CEP162: variants seen among roughly 807,000 people sequenced by gnomAD.
The protein encoded by CEP162 is centrosomal protein of 162 kDa.
Under a neutral mutation model 169.2 loss-of-function variants are expected in CEP162, and 141 were observed. The ratio of observed to expected loss-of-function variants is 0.83; its 90% CI spans 0.73 to 0.96. CEP162 has a LOEUF of 0.96. CEP162 is among the 40% of genes least tolerant of loss of function. The pLI is 0.00. For missense variants in CEP162, 1,600 were observed against 1,587.2 expected, an observed-to-expected ratio of 1.01 and a Z score of -0.14; for synonymous variants, 540 against 526.4, an observed-to-expected ratio of 1.03 and a Z score of -0.35.
At chr6:84,169,474 C>A in intron 17 of CEP162, 41 bp from the exon 18 acceptor site, 1 of 1,161,028 alleles carries the variant, frequency 8.6e-7, no homozygotes, top group Non-Finnish European at 1.2e-6. Context: ...TTCTTTCTTA[C>A]CAGGTGCTCC....
intron 19 of CEP162, among the ~76,000 whole-genome samples, chr6:84,162,632 C>T (rs952299564): frequency 6.6e-6 from 1 of 152,184 alleles, no homozygotes; most frequent in African/African-American, 2.4e-5. Flanking sequence ...AAATGCCACT[C>T]TGCCACGAAA....
chr6:84,161,128 C>G (rs1168029574), intron 20 of CEP162, among the ~76,000 whole-genome samples: 1 of 152,042 alleles, frequency 6.6e-6, no homozygotes, highest in African/African-American at 2.4e-5. Flanking sequence ...CAAACTAAGT[C>G]CCTGCTCCCA....
chr6:84,188,941 G>T (rs1363664297), intron 11 of CEP162, among the ~76,000 whole-genome samples: 3 of 151,890 alleles, frequency 2.0e-5, no homozygotes, highest in African/African-American at 7.3e-5. Context: ...GGCATGAGAT[G>T]GCATCTCATT....
At chr6:84,219,551 C>T (rs1012104691) in intron 3 of CEP162, among the ~76,000 whole-genome samples, 1 of 152,106 alleles carries the variant, frequency 6.6e-6, no homozygotes, top group Non-Finnish European at 1.5e-5. Context: ...AGTACTTCAT[C>T]TTATAATATC....
intron 17 of CEP162, among the ~76,000 whole-genome samples, chr6:84,170,373 CAAAAAAAAAAAAAAAAAAAAA>C (rs57988482): frequency 3.5e-5 from 1 of 28,332 alleles, no homozygotes; most frequent in African/African-American, 6.0e-5. Context: ...GACTCCGTCT[CAAAAAAAAAAAAAAAAAAAAA>C]AAAAAAAAGC....
intron 6 of CEP162, among the ~76,000 whole-genome samples, chr6:84,209,748 T>C (rs144783954): frequency 3.2e-4 from 48 of 152,300 alleles, no homozygotes; most frequent in African/African-American, 1.1e-3. Flanking sequence ...TTGGGAAAAG[T>C]GCCAATCTAA....
Position 84,160,807 on chromosome 6 carries a change from C to A in CEP162, c.2781+5G>T. ...TGCTCATGAAAATTTACCCTGAACA[C>A]ATACTTGTCGCTCCAGATCCTGAAT... On this transcript the variant is annotated splice_donor_5th_base_variant and intron_variant, in intron 21 of 26. Coordinates refer to ENST00000403245, the MANE Select transcript of CEP162 (RefSeq NM_014895.4). 1.3e-6 allele frequency: 2 copies of A among 1,566,292 alleles called. No individual in the cohort carries two copies. Among genetic ancestry groups the A allele is most frequent in the Non-Finnish European group, 1.8e-6 (2 of 1,136,876 alleles).
chr6:84,128,146 G>A (rs140599608), intron 25 of CEP162, among the ~76,000 whole-genome samples: 1 of 152,264 alleles, frequency 6.6e-6, no homozygotes, highest in East Asian at 1.9e-4. Flanking sequence ...AATTATTCAT[G>A]AATTAATTAG....
chr6:84,201,578 T>C (rs948657792), intron 8 of CEP162, among the ~76,000 whole-genome samples, 159 bp downstream of exon 8: 5 of 152,116 alleles, frequency 3.3e-5, no homozygotes, highest in Non-Finnish European at 7.4e-5. Context: ...ACAGAATGGA[T>C]TCAAGATAGA....
At chr6:84,171,463 ATT>A in intron 17 of CEP162, 141 bp downstream of exon 17, 1 of 430,070 alleles carries the variant, frequency 2.3e-6, no homozygotes. Context: ...TCCACTGAGT[ATT>A]AAACATAAAA....
chr6:84,201,842 C>T (rs2099544645), intron 7 of CEP162, 75 bp from the exon 8 acceptor site: 1 of 737,502 alleles, frequency 1.4e-6, no homozygotes, highest in Non-Finnish European at 2.2e-6. Context: ...CAAATAATAG[C>T]AAAATCTGAA....
At position 84,193,486 on chromosome 6, in the gene CEP162, G is replaced by C. The variant is rs182251997; in HGVS notation, c.1109+123C>G. 179 of 513,312 alleles carry C rather than the reference G, an allele frequency of 3.5e-4. 2 individuals carry two copies. In the East Asian group the frequency reaches 6.1e-3, roughly 18 times the overall value. The allele number at this position is 513,312 out of a possible 1,614,324, so 31.8% of individuals were successfully genotyped here. On this transcript the variant is annotated intron_variant, in intron 11 of 26. Transcript: ENST00000403245. The stretch of plus-strand genomic sequence containing the variant: ...AGTAAGGACAAATATAAAAAGAAGA[G>C]AGTTATGACTCACAGGTAGAGTCAA...
At chr6:84,185,069 G>A (rs2099536515) in intron 13 of CEP162, 118 bp downstream of exon 13, 5 of 863,418 alleles carry the variant, frequency 5.8e-6, no homozygotes, top group Non-Finnish European at 8.8e-6. Flanking sequence ...CACCACCCTG[G>A]GTCAAGCCCT....
intron 25 of CEP162, among the ~76,000 whole-genome samples, chr6:84,141,829 T>C (rs1403112015): frequency 6.6e-6 from 1 of 152,166 alleles, no homozygotes; most frequent in African/African-American, 2.4e-5. Context: ...GGCCTTCTTA[T>C]ATTTTGGGCC....
chr6:84,146,720 A>G lies in CEP162; in HGVS notation c.3837T>C (p.Val1279=). The change falls in exon 25 of 27, where the codon GTT becomes GTC. Residue 1279 remains valine, a synonymous_variant. Coordinates refer to ENST00000403245, the MANE Select transcript of CEP162 (RefSeq NM_014895.4). ...GTAGAATTTCTTCTCGAACTTCAGAAACTACGAGAGACTCTTGTTTACTCT... is the reference window on the plus strand; with the variant it reads ...GTAGAATTTCTTCTCGAACTTCAGAGACTACGAGAGACTCTTGTTTACTCT... ...ELQSKQESLV[V]SEVREEILQK... is the part of the protein sequence containing the mutation. The G allele has an allele frequency of 6.3e-7, 1 of 1,579,556 alleles. No homozygotes were observed. Among genetic ancestry groups the G allele is most frequent in the South Asian group, 1.2e-5 (1 of 85,120 alleles).
chr6:84,162,758 A>C (rs2099526286), intron 19 of CEP162, among the ~76,000 whole-genome samples: 1 of 152,122 alleles, frequency 6.6e-6, no homozygotes, highest in Non-Finnish European at 1.5e-5. Flanking sequence ...ACATTTATCT[A>C]TGTGTTCTTT....
intron 25 of CEP162, among the ~76,000 whole-genome samples, chr6:84,142,376 ATCTG>A (rs1487891738): frequency 3.3e-5 from 5 of 152,218 alleles, no homozygotes; most frequent in African/African-American, 7.2e-5. Flanking sequence ...TGATCTCTGC[ATCTG>A]TCTATGTTTA....
chr6:84,218,140 T>C (rs1269335577), intron 3 of CEP162, among the ~76,000 whole-genome samples: 2 of 152,154 alleles, frequency 1.3e-5, no homozygotes, highest in South Asian at 2.1e-4. Context: ...AATATTTCCA[T>C]GAGGAAGTAA....
At chr6:84,170,131 T>A (rs961589359) in intron 17 of CEP162, among the ~76,000 whole-genome samples, 3 of 151,982 alleles carry the variant, frequency 2.0e-5, no homozygotes, top group Admixed American at 6.6e-5. Flanking sequence ...CCCAGCACGT[T>A]GGGAGGCCGA....
Sources: allele counts gnomAD v4.1 joint callset (sites outside exome capture counted in the v4.1 genomes callset), GRCh38; gene constraint gnomAD v4.1.1; transcripts MANE v1.5; gene names NCBI Gene and HGNC (gene_info 2026-07-23, HGNC 2026-07-21).